Variants in EEIG2 observed in about 807,000 individuals in gnomAD.
EEIG2 encodes family with sequence similarity 102 member B.
the EEIG2 span, among the ~76,000 whole-genome samples, chr1:108,570,137 T>G: frequency 3.3e-5 from 5 of 152,200 alleles, no homozygotes; most frequent in African/African-American, 9.6e-5. Flanking sequence ...AGAAAGTGTT[T>G]AACTGGGATT....
chr1:108,633,311 C>T, the EEIG2 span, among the ~76,000 whole-genome samples: 1 of 152,104 alleles, frequency 6.6e-6, no homozygotes, highest in African/African-American at 2.4e-5. Flanking sequence ...TTTTGAAAGA[C>T]AAGGTCTCAC....
At chr1:108,616,530 A>G in the EEIG2 span, 1 of 770,276 alleles carries the variant, frequency 1.3e-6, no homozygotes, top group Non-Finnish European at 2.1e-6. Context: ...ATAAGAAAAT[A>G]CCAGTTAAGG....
the EEIG2 span, among the ~76,000 whole-genome samples, chr1:108,589,302 GT>G: frequency 2.0e-5 from 3 of 152,036 alleles, no homozygotes; most frequent in African/African-American, 7.2e-5. Flanking sequence ...CTTCTTACAT[GT>G]TAAAATGAAA....
chr1:108,638,771 C>T, the EEIG2 span: 1 of 152,120 alleles, frequency 6.6e-6, no homozygotes, highest in Non-Finnish European at 1.5e-5. Context: ...TGAATATACC[C>T]ATATTAATCC....
the EEIG2 span, chr1:108,628,559 G>A: frequency 6.2e-7 from 1 of 1,609,996 alleles, no homozygotes; most frequent in African/African-American, 1.3e-5. Context: ...TGATAAAGAA[G>A]ATACAGCTTC....
the EEIG2 span, chr1:108,624,887 G>C: frequency 3.0e-6 from 2 of 660,314 alleles, no homozygotes; most frequent in Non-Finnish European, 5.3e-6. Context: ...ATTCTTGGTT[G>C]ATCCAGTGCT....
At chr1:108,605,777 A>C in the EEIG2 span, among the ~76,000 whole-genome samples, 1 of 152,166 alleles carries the variant, frequency 6.6e-6, no homozygotes, top group African/African-American at 2.4e-5. Flanking sequence ...ACTATACTAA[A>C]TGTATACTTT....
At chr1:108,568,724 C>T in the EEIG2 span, among the ~76,000 whole-genome samples, 2 of 152,176 alleles carry the variant, frequency 1.3e-5, no homozygotes, top group Non-Finnish European at 2.9e-5. Context: ...GGGGCCTGGA[C>T]TCTTTTTGTC....
chr1:108,596,439 C>G, the EEIG2 span, among the ~76,000 whole-genome samples: 1 of 152,086 alleles, frequency 6.6e-6, no homozygotes, highest in Non-Finnish European at 1.5e-5. Flanking sequence ...TTCCTGCCCT[C>G]TATCCTTGCA....
chr1:108,632,526 A>G, the EEIG2 span, among the ~76,000 whole-genome samples: 1 of 152,190 alleles, frequency 6.6e-6, no homozygotes, highest in Non-Finnish European at 1.5e-5. Flanking sequence ...AGGGGGAACT[A>G]GGTAGAAAAG....
chr1:108,634,793 A>G, the EEIG2 span, among the ~76,000 whole-genome samples: 6 of 152,210 alleles, frequency 3.9e-5, no homozygotes, highest in East Asian at 1.9e-4. Context: ...GATGAGACCT[A>G]TTTTAGAATG....
At chr1:108,563,287 C>CTAA in the EEIG2 span, among the ~76,000 whole-genome samples, 4 of 152,134 alleles carry the variant, frequency 2.6e-5, no homozygotes, top group African/African-American at 9.7e-5. Context: ...GTGACCAGCC[C>CTAA]TAATACAAAT....
At chr1:108,616,469 A>G in the EEIG2 span, 5 of 1,267,422 alleles carry the variant, frequency 3.9e-6, no homozygotes, top group Non-Finnish European at 5.7e-6. Context: ...ATCTAAAAGT[A>G]TAAGAAAGAT....
the EEIG2 span, among the ~76,000 whole-genome samples, chr1:108,580,955 G>C: frequency 1.3e-5 from 2 of 152,166 alleles, no homozygotes; most frequent in African/African-American, 4.8e-5. Flanking sequence ...TAAGACTTTT[G>C]TAGCTAGAGA....
chr1:108,581,594 A>G, the EEIG2 span, among the ~76,000 whole-genome samples: 1 of 152,198 alleles, frequency 6.6e-6, no homozygotes, highest in Non-Finnish European at 1.5e-5. Context: ...ACTTTGAGGG[A>G]GTCAAGACTT....
chr1:108,612,339 C>A, the EEIG2 span: 3 of 1,313,054 alleles, frequency 2.3e-6, no homozygotes, highest in Non-Finnish European at 3.3e-6. Flanking sequence ...AAATTATCTG[C>A]CTTTAAATAA....
chr1:108,607,131 C>G, the EEIG2 span, among the ~76,000 whole-genome samples: 1 of 152,220 alleles, frequency 6.6e-6, no homozygotes, highest in Non-Finnish European at 1.5e-5. Flanking sequence ...ACTGGTCAAT[C>G]CACTGACTGA....
chr1:108,625,282 T>G, the EEIG2 span: 1 of 152,108 alleles, frequency 6.6e-6, no homozygotes, highest in South Asian at 2.1e-4. Flanking sequence ...GACCACACCT[T>G]GAGATCCACA....
chr1:108,602,440 CCATT>C, the EEIG2 span, among the ~76,000 whole-genome samples: 1 of 152,196 alleles, frequency 6.6e-6, no homozygotes, highest in East Asian at 1.9e-4. Flanking sequence ...ATACATTATT[CCATT>C]CACGTGATTG....
Sources: allele counts gnomAD v4.1 joint callset (sites outside exome capture counted in the v4.1 genomes callset), GRCh38; gene constraint gnomAD v4.1.1; transcripts MANE v1.5; gene names NCBI Gene and HGNC (gene_info 2026-07-23, HGNC 2026-07-21).